The following CGGBP1 variants were observed in gnomAD, a reference collection of about 807,000 sequenced individuals.
CGGBP1 encodes CGG triplet repeat binding protein 1.
A neutral mutation model predicts 11.4 loss-of-function variants in CGGBP1; 4 were observed. The observed-to-expected ratio is 0.35, with a 90% CI of 0.17 to 0.80. The LOEUF (loss-of-function observed/expected upper bound fraction) is 0.80. CGGBP1 is among the 30% of genes least tolerant of loss of function. The probability of loss-of-function intolerance (pLI) is 0.52; values close to 1 mark genes in which losing one functional copy is unlikely to be tolerated. For missense variants in CGGBP1, 135 were observed against 202.1 expected (o/e 0.67, Z 2.01); for synonymous variants, 76 against 74.1 (o/e 1.03, Z -0.13).
intron 2 of CGGBP1, among the ~76,000 whole-genome samples, chr3:88,074,759 C>G (rs929850221): frequency 2.0e-5 from 3 of 152,208 alleles, no homozygotes; most frequent in African/African-American, 7.2e-5. Flanking sequence ...ATACTATGTA[C>G]TAAATTCAGG....
intron 3 of CGGBP1, 140 bp from the exon 4 acceptor site, chr3:88,056,139 C>T (rs1706536546): frequency 3.3e-6 from 2 of 609,662 alleles, no homozygotes; most frequent in South Asian, 2.6e-5. Flanking sequence ...GTCTATTAAT[C>T]TTAACTTACC....
intron 2 of CGGBP1, chr3:88,135,095 A>G: frequency 1.4e-6 from 2 of 1,472,308 alleles, no homozygotes; most frequent in Non-Finnish European, 1.8e-6. Context: ...ACTACAGCTT[A>G]AATCTAATCC....
chr3:88,093,849 T>A (rs1703891199), intron 2 of CGGBP1, among the ~76,000 whole-genome samples: 1 of 152,180 alleles, frequency 6.6e-6, no homozygotes, highest in Admixed American at 6.5e-5. Flanking sequence ...AAAGGTACAT[T>A]TGTTTTTTGC....
intron 2 of CGGBP1, among the ~76,000 whole-genome samples, chr3:88,134,841 T>C (rs76577259): frequency 6.6e-6 from 1 of 152,068 alleles, no homozygotes; most frequent in African/African-American, 2.4e-5. Context: ...TTGTTGGAAT[T>C]CATTCCTTAC....
At position 88,120,842 on chromosome 3, in the gene CGGBP1, T is replaced by C. The variant is rs529962597; in HGVS notation, c.-229+20128A>G. On this transcript the variant is annotated intron_variant, in intron 2 of 3. Coordinates refer to the CGGBP1 transcript ENST00000462901. ...GATTATAGCGTATTTTTGAAAAATT[T>C]TCAAAATTACTGTATCACAGTGATA... 2.6e-5 allele frequency among the ~76,000 whole-genome samples: 4 copies of C among 152,216 alleles called. No homozygotes were observed. In the East Asian group the frequency reaches 7.7e-4, roughly 29 times the overall value.
At chr3:88,139,322 C>G (rs1159623776) in intron 2 of CGGBP1, 1 of 1,602,808 alleles carries the variant, frequency 6.2e-7, no homozygotes, top group East Asian at 2.2e-5. Flanking sequence ...TGTTATGTAA[C>G]AAGGAATTTT....
chr3:88,080,570 G>C (rs1708026156), intron 2 of CGGBP1, among the ~76,000 whole-genome samples: 1 of 152,110 alleles, frequency 6.6e-6, no homozygotes, highest in African/African-American at 2.4e-5. Context: ...ATAAGTGACA[G>C]AGCTGGAATT....
At chr3:88,068,909 T>C (rs761274843) in intron 2 of CGGBP1, among the ~76,000 whole-genome samples, 1 of 152,090 alleles carries the variant, frequency 6.6e-6, no homozygotes, top group Non-Finnish European at 1.5e-5. Flanking sequence ...TGCAATACAA[T>C]ACATTGTATT....
chr3:88,060,090 A>T (rs554355724), upstream of CGGBP1, among the ~76,000 whole-genome samples: 1 of 152,078 alleles, frequency 6.6e-6, no homozygotes, highest in Non-Finnish European at 1.5e-5. Context: ...TTTTTCGGAC[A>T]GAGAGTGCGT....
chr3:88,124,323 G>A (rs192307428), intron 2 of CGGBP1, among the ~76,000 whole-genome samples: 198 of 152,266 alleles, frequency 1.3e-3, no homozygotes, highest in African/African-American at 4.2e-3. Flanking sequence ...TTGTTGGTAG[G>A]ATTTTTGTTT....
intron 2 of CGGBP1, among the ~76,000 whole-genome samples, chr3:88,121,877 G>T (rs13063511): frequency 6.6e-6 from 1 of 151,980 alleles, no homozygotes. Context: ...TCTTCATTTC[G>T]TTCAGACTCC....
chr3:88,118,003 T>G (rs1434217468), intron 2 of CGGBP1, among the ~76,000 whole-genome samples: 1 of 151,412 alleles, frequency 6.6e-6, no homozygotes, highest in Non-Finnish European at 1.5e-5. Context: ...GAAACATAGA[T>G]GTTTTAGTTG....
chr3:88,059,568 G>A (rs775075199), upstream of CGGBP1: 1 of 1,443,444 alleles, frequency 6.9e-7, no homozygotes, highest in Non-Finnish European at 9.0e-7. Flanking sequence ...GCGTCTCCTG[G>A]TCTTCTCGTC....
chr3:88,139,188 A>G, intron 2 of CGGBP1: 1 of 1,444,376 alleles, frequency 6.9e-7, no homozygotes, highest in Non-Finnish European at 9.1e-7. Context: ...AGATCAGAGC[A>G]CTGGAGAGAC....
chr3:88,082,348 A>G (rs1453673496), intron 2 of CGGBP1, among the ~76,000 whole-genome samples: 1 of 152,184 alleles, frequency 6.6e-6, no homozygotes, highest in Admixed American at 6.5e-5. Context: ...GATGGTCTCG[A>G]TCTCTTGACC....
At chr3:88,087,290 C>G (rs1708386705) in intron 2 of CGGBP1, among the ~76,000 whole-genome samples, 1 of 151,068 alleles carries the variant, frequency 6.6e-6, no homozygotes, top group Admixed American at 6.6e-5. Flanking sequence ...GTTGGCCAGG[C>G]TGGTCTTGAA....
chr3:88,144,101 C>G (rs1469645615), intron 1 of CGGBP1: 1 of 152,216 alleles, frequency 6.6e-6, no homozygotes, highest in Non-Finnish European at 1.5e-5. Context: ...TGTTAAATTT[C>G]TGCTGTGTGT....
Position 88,054,171 on chromosome 3 carries a change from A to T in CGGBP1, c.*1302T>A, listed in dbSNP as rs1706489109. 6.6e-6 allele frequency: 1 copy of T among 152,600 alleles called. No homozygotes were observed. The highest frequency in any genetic ancestry group is 1.5e-5 in the Non-Finnish European group (1 of 68,022). The allele number at this position is 152,600 out of a possible 1,614,324, so 9.5% of individuals were successfully genotyped here. On this transcript the variant is annotated 3_prime_UTR_variant, in exon 4 of 4. Coordinates refer to ENST00000482016, the MANE Select transcript of CGGBP1 (RefSeq NM_001008390.2). The stretch of plus-strand genomic sequence containing the variant: ...CACTGCTTTGTAATAGAAATATATA[A>T]GTATTTTTAACTTGAATTTCAAAGA...
intron 2 of CGGBP1, among the ~76,000 whole-genome samples, chr3:88,116,179 G>A (rs923352558): frequency 6.6e-6 from 1 of 152,036 alleles, no homozygotes; most frequent in Non-Finnish European, 1.5e-5. Context: ...GCATGCAGCA[G>A]AGCCTAAAGG....
Sources: allele counts gnomAD v4.1 joint callset (sites outside exome capture counted in the v4.1 genomes callset), GRCh38; gene constraint gnomAD v4.1.1; transcripts MANE v1.5; gene names NCBI Gene and HGNC (gene_info 2026-07-23, HGNC 2026-07-21).